IGSF11: variants seen among roughly 807,000 people sequenced by gnomAD.
IGSF11 encodes the protein immunoglobulin superfamily member 11.
IGSF11 carries 22 observed loss-of-function variants against 41.0 expected under a neutral mutation model. The ratio of observed to expected loss-of-function variants is 0.54; its 90% CI spans 0.38 to 0.77. IGSF11 has a LOEUF of 0.77. Ranked by LOEUF, IGSF11 falls within the 30% of genes least tolerant of loss-of-function variation. IGSF11 has a pLI of 0.00. For synonymous variants in IGSF11, 219 were observed against 201.3 expected, an observed-to-expected ratio of 1.09 and a Z score of -0.74; for missense variants, 444 against 530.8, an observed-to-expected ratio of 0.84 and a Z score of 1.61.
intron 1 of IGSF11, among the ~76,000 whole-genome samples, chr3:119,078,518 G>A (rs1371586575): frequency 6.6e-6 from 1 of 152,216 alleles, no homozygotes; most frequent in Non-Finnish European, 1.5e-5. Flanking sequence ...GCCATATGCA[G>A]AAGATTGAAG....
intron 1 of IGSF11, among the ~76,000 whole-genome samples, chr3:118,970,100 G>C (rs1028948113): frequency 9.2e-5 from 14 of 152,108 alleles, no homozygotes; most frequent in Non-Finnish European, 1.0e-4. Context: ...TGGGCACAGG[G>C]GATCTGCATG....
Position 118,902,272 on chromosome 3 carries a change from C to T in IGSF11, c.*248G>A. The T allele has an allele frequency of 2.2e-6, 1 of 452,326 alleles. No homozygotes were observed. The highest frequency in any genetic ancestry group is 3.9e-6 in the Non-Finnish European group (1 of 253,218). The allele number at this position is 452,326 out of a possible 1,614,324, so 28.0% of individuals were successfully genotyped here. ...TCTGCTCTTGTATCTTTTTCCTTGG[C>T]TTGGCACATCTTTGAGATCCAGCAG... On this transcript the variant is annotated 3_prime_UTR_variant, in exon 7 of 7. Transcript: ENST00000393775.
intron 1 of IGSF11, among the ~76,000 whole-genome samples, chr3:119,018,397 T>TCC (rs1938961341): frequency 6.6e-6 from 1 of 152,206 alleles, no homozygotes; most frequent in Non-Finnish European, 1.5e-5. Flanking sequence ...TATAAATGTT[T>TCC]CCCAAATTCT....
chr3:119,030,490 C>G (rs1453761609), intron 1 of IGSF11, among the ~76,000 whole-genome samples: 2 of 152,078 alleles, frequency 1.3e-5, no homozygotes, highest in Non-Finnish European at 2.9e-5. Flanking sequence ...CTACTGTGGT[C>G]TTTTTCTTGG....
At chr3:118,947,647 T>C (rs1333618486) in intron 1 of IGSF11, 1 of 152,194 alleles carries the variant, frequency 6.6e-6, no homozygotes, top group Non-Finnish European at 1.5e-5. Flanking sequence ...TTCTCAATGA[T>C]TTCTGATAAA....
intron 4 of IGSF11, among the ~76,000 whole-genome samples, chr3:118,922,845 A>T (rs1941948383): frequency 6.6e-6 from 1 of 152,074 alleles, no homozygotes; most frequent in Non-Finnish European, 1.5e-5. Flanking sequence ...CCCTTTCAGG[A>T]CAGTTCTTTG....
chr3:118,937,484 T>C (rs1943369662), intron 1 of IGSF11, among the ~76,000 whole-genome samples: 1 of 152,204 alleles, frequency 6.6e-6, no homozygotes, highest in South Asian at 2.1e-4. Flanking sequence ...TACCATATAA[T>C]CTTTTTACAA....
intron 1 of IGSF11, among the ~76,000 whole-genome samples, chr3:118,983,968 T>C (rs939234470): frequency 1.3e-5 from 2 of 152,046 alleles, no homozygotes; most frequent in African/African-American, 4.8e-5. Flanking sequence ...GTGGGTGGGG[T>C]AAGTCATGGT....
chr3:119,112,110 T>G (rs1355012560), intron 1 of IGSF11, among the ~76,000 whole-genome samples: 1 of 152,240 alleles, frequency 6.6e-6, no homozygotes, highest in East Asian at 1.9e-4. Context: ...GGAGAACCAC[T>G]GCTCTCTTCA....
upstream of IGSF11, among the ~76,000 whole-genome samples, chr3:119,035,199 T>C (rs959687724): frequency 6.6e-6 from 1 of 152,238 alleles, no homozygotes; most frequent in African/African-American, 2.4e-5. Flanking sequence ...TAGCAATGAC[T>C]TTTCCACAGC....
intron 1 of IGSF11, among the ~76,000 whole-genome samples, chr3:119,049,364 A>G (rs1346246641): frequency 6.6e-6 from 1 of 152,068 alleles, no homozygotes; most frequent in East Asian, 1.9e-4. Flanking sequence ...ACAGACAAAC[A>G]GAGAGCCAAA....
chr3:118,987,378 A>C lies in IGSF11; in HGVS notation c.52+47153T>G, dbSNP rs1385323262. 2.6e-5 allele frequency among the ~76,000 whole-genome samples: 4 copies of C among 152,320 alleles called. No homozygotes were observed. The East Asian group carries it at 5.8e-4, about 22-fold the overall frequency. Reference sequence around the variant, plus strand: ...ATATTCTAGGTTTAGGGACACTGGGAACAAATGGTGGACATTGAGAACTAT... The same window carrying C: ...ATATTCTAGGTTTAGGGACACTGGGCACAAATGGTGGACATTGAGAACTAT... On this transcript the variant is annotated intron_variant, in intron 1 of 6. Transcript: ENST00000393775.
intron 1 of IGSF11, among the ~76,000 whole-genome samples, chr3:119,114,046 G>A (rs2077222302): frequency 1.3e-5 from 2 of 152,224 alleles, no homozygotes; most frequent in South Asian, 4.1e-4. Context: ...GCAAGGAGCA[G>A]TGTCCTGATG....
chr3:119,081,406 T>G (rs1297155654), intron 1 of IGSF11, among the ~76,000 whole-genome samples: 9 of 152,182 alleles, frequency 5.9e-5, no homozygotes, highest in Non-Finnish European at 8.8e-5. Flanking sequence ...ATAACCATAA[T>G]ACCTAGGTGA....
intron 1 of IGSF11, among the ~76,000 whole-genome samples, chr3:119,132,709 C>A (rs866604873): frequency 6.6e-6 from 1 of 152,120 alleles, no homozygotes; most frequent in Non-Finnish European, 1.5e-5. Flanking sequence ...CAGCTCTACA[C>A]CAAGCAGACC....
At chr3:119,129,776 G>A (rs1260517561) in intron 1 of IGSF11, among the ~76,000 whole-genome samples, 1 of 152,168 alleles carries the variant, frequency 6.6e-6, no homozygotes, top group Admixed American at 6.5e-5. Context: ...TTTGAGCCCA[G>A]GAGTTCCAGA....
intron 1 of IGSF11, among the ~76,000 whole-genome samples, chr3:119,094,919 G>T (rs12631542): frequency 0.01 from 1,521 of 151,848 alleles, 23 homozygotes; most frequent in African/African-American, 0.035. Flanking sequence ...TGATCCAGCC[G>T]CCTCGGCCTC....
chr3:118,991,867 A>G (rs1935822038), intron 1 of IGSF11, among the ~76,000 whole-genome samples: 1 of 152,258 alleles, frequency 6.6e-6, no homozygotes, highest in African/African-American at 2.4e-5. Context: ...GAACAGAATC[A>G]CTTAATACCA....
intron 1 of IGSF11, among the ~76,000 whole-genome samples, chr3:118,979,846 G>C (rs1373801255): frequency 6.6e-6 from 1 of 152,006 alleles, no homozygotes; most frequent in African/African-American, 2.4e-5. Flanking sequence ...TGTAAAAAGA[G>C]TCAAAAGACG....
Sources: gnomAD v4.1 joint callset for allele counts (sites outside exome capture counted in the v4.1 genomes callset) on GRCh38, gnomAD v4.1.1 for gene constraint, MANE v1.5 for transcripts, NCBI Gene and HGNC (gene_info 2026-07-23, HGNC 2026-07-21) for gene names.